FGF12: variants seen among roughly 807,000 people sequenced by gnomAD.
The protein encoded by FGF12 is fibroblast growth factor 12B.
In FGF12, 14 loss-of-function variants were observed where a neutral mutation model predicts 23.6. The ratio of observed to expected loss-of-function variants is 0.59; its 90% CI spans 0.39 to 0.93. The LOEUF is 0.93. Ranked by LOEUF, FGF12 falls within the 40% of genes least tolerant of loss-of-function variation. FGF12 has a pLI of 0.00. For synonymous variants in FGF12, 62 were observed against 77.3 expected (o/e 0.80, Z 1.04); for missense variants, 175 against 217.8 (o/e 0.80, Z 1.24).
intron 2 of FGF12, among the ~76,000 whole-genome samples, chr3:192,478,843 T>C (rs1723401000): frequency 1.3e-5 from 2 of 152,234 alleles, no homozygotes; most frequent in Non-Finnish European, 2.9e-5. Flanking sequence ...CAGTTTCTCA[T>C]ATTCCAGTAA....
chr3:192,506,531 C>T (rs991416837), intron 2 of FGF12, among the ~76,000 whole-genome samples: 3 of 152,100 alleles, frequency 2.0e-5, no homozygotes, highest in African/African-American at 7.2e-5. Context: ...ACACTGCAAC[C>T]AGCTAATTTT....
chr3:192,493,844 A>G (rs907178126), intron 2 of FGF12, among the ~76,000 whole-genome samples: 1 of 152,138 alleles, frequency 6.6e-6, no homozygotes, highest in African/African-American at 2.4e-5. Context: ...ACCTCCCACC[A>G]GGCCCCACCT....
At chr3:192,148,690 C>G (rs1713862404) in intron 5 of FGF12, among the ~76,000 whole-genome samples, 1 of 152,136 alleles carries the variant, frequency 6.6e-6, no homozygotes, top group South Asian at 2.1e-4. Context: ...TAAGAAGTGA[C>G]TATTAAAGCC....
In FGF12 at chr3:192,336,896, T is replaced by C. The variant is rs115197124; in HGVS notation, c.125-1432A>G. Among the ~76,000 whole-genome samples, 3,228 of 152,250 alleles carry C rather than the reference T, an allele frequency of 0.021. 101 individuals are homozygous for C. The highest frequency in any genetic ancestry group is 0.073 in the African/African-American group (3,031 of 41,532). ...AGACCACAAGTTTAGTAGAACAGGA[T>C]TCCATTCTTAGCTGTCGACATCGGA... is the stretch of plus-strand genomic sequence containing the variant. On this transcript the variant is annotated intron_variant, in intron 3 of 5. Coordinates refer to ENST00000445105, the MANE Select transcript of FGF12 (RefSeq NM_004113.6). The surrounding 1 kb of genome is among the most constrained non-coding windows in gnomAD (Gnocchi z 4.3).
intron 4 of FGF12, among the ~76,000 whole-genome samples, chr3:192,301,728 T>C (rs1231261879): frequency 6.6e-6 from 1 of 152,112 alleles, no homozygotes; most frequent in Non-Finnish European, 1.5e-5. Context: ...AAGAGGGTAC[T>C]GCTGCTTAGT....
intron 2 of FGF12, among the ~76,000 whole-genome samples, chr3:192,705,367 A>C (rs1718433936): frequency 6.6e-6 from 1 of 152,232 alleles, no homozygotes; most frequent in South Asian, 2.1e-4. Flanking sequence ...GCCTGAGAAG[A>C]GGGAGAAAGA....
intron 2 of FGF12, among the ~76,000 whole-genome samples, chr3:192,525,933 C>A (rs1311709069): frequency 6.6e-6 from 1 of 152,148 alleles, no homozygotes; most frequent in African/African-American, 2.4e-5. Context: ...CGCCACCACG[C>A]CCAGCGAATT....
At chr3:192,326,347 A>T (rs891041928) in intron 4 of FGF12, among the ~76,000 whole-genome samples, 9 of 152,266 alleles carry the variant, frequency 5.9e-5, no homozygotes, top group Admixed American at 2.0e-4. Flanking sequence ...TGAGGAAGTA[A>T]AAGAAATTAG....
intron 2 of FGF12, among the ~76,000 whole-genome samples, chr3:192,624,486 G>A (rs1350161842): frequency 3.3e-5 from 5 of 152,078 alleles, no homozygotes; most frequent in African/African-American, 1.2e-4. Flanking sequence ...AAGGGGGAAA[G>A]TGATTCACTT....
In FGF12 at chr3:192,492,328, C is replaced by T. The variant is rs572640774; in HGVS notation, c.14-131790G>A. On this transcript the variant is annotated intron_variant, in intron 2 of 5. Coordinates refer to ENST00000445105, the MANE Select transcript of FGF12 (RefSeq NM_004113.6). ...TAACAAATTAGTTTCCAGTTCTTTCCTATTTCCTCCACCCTTATGGAGAAA... is the reference window on the plus strand; with the variant it reads ...TAACAAATTAGTTTCCAGTTCTTTCTTATTTCCTCCACCCTTATGGAGAAA... 1.2e-4 allele frequency among the ~76,000 whole-genome samples: 18 copies of T among 152,004 alleles called. 1 individual carries two copies. In the South Asian group the frequency reaches 3.7e-3, roughly 32 times the overall value.
chr3:192,459,985 A>G (rs1382430191), intron 2 of FGF12, among the ~76,000 whole-genome samples: 1 of 152,116 alleles, frequency 6.6e-6, no homozygotes, highest in Non-Finnish European at 1.5e-5. Context: ...AGCTACAAAG[A>G]TGATCTAGAT....
intron 2 of FGF12, among the ~76,000 whole-genome samples, chr3:192,711,573 A>G (rs1718682338): frequency 1.3e-5 from 2 of 152,194 alleles, no homozygotes; most frequent in South Asian, 4.1e-4. Context: ...AGAAGTAGAC[A>G]TAGGAGACTC....
At chr3:192,388,010 A>G (rs1576938009) in intron 2 of FGF12, among the ~76,000 whole-genome samples, 1 of 152,200 alleles carries the variant, frequency 6.6e-6, no homozygotes, top group South Asian at 2.1e-4. Context: ...CTGAATCCCA[A>G]CACTCTGGGA....
intron 2 of FGF12, among the ~76,000 whole-genome samples, chr3:192,698,832 A>AT (rs1718207082): frequency 6.6e-6 from 1 of 152,110 alleles, no homozygotes; most frequent in Non-Finnish European, 1.5e-5. Flanking sequence ...AATCACCTCC[A>AT]TTTTTCAAAA....
intron 2 of FGF12, among the ~76,000 whole-genome samples, chr3:192,617,324 G>C (rs1454760446): frequency 2.0e-5 from 3 of 152,068 alleles, no homozygotes; most frequent in Non-Finnish European, 4.4e-5. Context: ...GAAGGAAAGT[G>C]GGGGAGGTGG....
intron 2 of FGF12, among the ~76,000 whole-genome samples, chr3:192,574,141 T>G (rs148981683): frequency 4.1e-4 from 63 of 152,362 alleles, no homozygotes; most frequent in Non-Finnish European, 3.8e-4. Flanking sequence ...CTGACTTTTC[T>G]GCAATTAATA....
intron 2 of FGF12, among the ~76,000 whole-genome samples, chr3:192,461,937 C>G (rs1722876962): frequency 6.6e-6 from 1 of 151,726 alleles, no homozygotes; most frequent in Admixed American, 6.6e-5. Flanking sequence ...TTGCAGTGAG[C>G]TGAGATCGCA....
At chr3:192,373,468 C>T (rs1719335175) in intron 2 of FGF12, among the ~76,000 whole-genome samples, 1 of 152,004 alleles carries the variant, frequency 6.6e-6, no homozygotes, top group Admixed American at 6.6e-5. Context: ...ATGGAGAAAA[C>T]ATTTTTAATA....
chr3:192,315,103 A>C (rs1360516277), intron 4 of FGF12, among the ~76,000 whole-genome samples: 1 of 152,212 alleles, frequency 6.6e-6, no homozygotes, highest in Non-Finnish European at 1.5e-5. Context: ...TTCCCCTAAC[A>C]TAACTACTAG....
Sources: allele counts gnomAD v4.1 joint callset (sites outside exome capture counted in the v4.1 genomes callset), GRCh38; gene constraint gnomAD v4.1.1; non-coding constraint Gnocchi (gnomAD v3.1); transcripts MANE v1.5; gene names NCBI Gene and HGNC (gene_info 2026-07-23, HGNC 2026-07-21).